TPRG1: variants seen among roughly 807,000 people sequenced by gnomAD.
TPRG1 encodes tumor protein p63 regulated 1.
TPRG1 carries 29 observed loss-of-function variants against 29.3 expected under a neutral mutation model. That is an observed-to-expected ratio of 0.99 (90% confidence interval 0.74 to 1.35). The LOEUF is 1.35. Ranked by LOEUF, TPRG1 falls within the 40% of genes most tolerant of loss-of-function variation. The pLI, the probability that TPRG1 is intolerant of heterozygous loss-of-function variation, is 0.00. For missense variants in TPRG1, 327 were observed against 335.0 expected, an observed-to-expected ratio of 0.98 and a Z score of 0.19; for synonymous variants, 130 against 116.8, an observed-to-expected ratio of 1.11 and a Z score of -0.73.
At chr3:189,252,569 AG>A (rs935840840) in intron 4 of TPRG1, among the ~76,000 whole-genome samples, 3 of 152,214 alleles carry the variant, frequency 2.0e-5, no homozygotes, top group African/African-American at 7.2e-5. Flanking sequence ...TAGAGGAAGG[AG>A]GGGAAGACTA....
In TPRG1 at chr3:189,196,735, T is replaced by C. The variant is rs961205826; in HGVS notation, c.-9-10641T>C. 2.6e-5 allele frequency among the ~76,000 whole-genome samples: 4 copies of C among 152,240 alleles called. No homozygotes were observed. The East Asian group carries it at 5.8e-4, about 22-fold the overall frequency. On this transcript the variant is annotated intron_variant, in intron 1 of 5. Coordinates refer to ENST00000345063, the MANE Select transcript of TPRG1 (RefSeq NM_198485.4). The stretch of plus-strand genomic sequence containing the variant: ...GCCAAATCATATCACACTGGTATTC[T>C]TATTTTATGATAATTCATTGTTCTG...
chr3:189,191,699 C>T (rs1046862053), intron 1 of TPRG1, among the ~76,000 whole-genome samples: 1 of 152,204 alleles, frequency 6.6e-6, no homozygotes, highest in Non-Finnish European at 1.5e-5. Flanking sequence ...CCTTCAGTTA[C>T]AGCCCCACAA....
intron 3 of TPRG1, among the ~76,000 whole-genome samples, chr3:189,009,726 A>G (rs1397001277): frequency 6.6e-6 from 1 of 151,922 alleles, no homozygotes; most frequent in Non-Finnish European, 1.5e-5. Flanking sequence ...GTATTTACCA[A>G]TAGTGTTATC....
chr3:189,094,228 G>A (rs1202856158), intron 4 of TPRG1, among the ~76,000 whole-genome samples: 1 of 152,176 alleles, frequency 6.6e-6, no homozygotes, highest in Non-Finnish European at 1.5e-5. Flanking sequence ...AGCGTATGAA[G>A]TAAGTGGAAA....
At chr3:189,104,596 A>G (rs2152197230) in intron 1 of TPRG1, among the ~76,000 whole-genome samples, 1 of 152,044 alleles carries the variant, frequency 6.6e-6, no homozygotes, top group East Asian at 1.9e-4. Flanking sequence ...TGTACCTATA[A>G]GAGACTATAT....
chr3:189,319,460 AT>A (rs1724041702), intron 5 of TPRG1, among the ~76,000 whole-genome samples: 1 of 151,872 alleles, frequency 6.6e-6, no homozygotes, highest in African/African-American at 2.4e-5. Context: ...CCTGGGTGTC[AT>A]TTTTTTCCTT....
At chr3:189,161,310 G>T (rs917172538) in intron 5 of TPRG1, among the ~76,000 whole-genome samples, 1 of 152,180 alleles carries the variant, frequency 6.6e-6, no homozygotes, top group Admixed American at 6.5e-5. Context: ...CTTCAGAACT[G>T]GACTATCTTT....
intron 3 of TPRG1, among the ~76,000 whole-genome samples, chr3:189,232,918 A>G (rs773647302): frequency 5.0e-4 from 76 of 152,280 alleles, no homozygotes; most frequent in Non-Finnish European, 7.4e-4. Flanking sequence ...TGCATTTTTC[A>G]TCTGTTTGTG....
intron 1 of TPRG1, among the ~76,000 whole-genome samples, chr3:189,124,036 C>T (rs548921085): frequency 5.9e-5 from 9 of 152,242 alleles, no homozygotes; most frequent in Middle Eastern, 3.4e-3. Flanking sequence ...CTTCGTTGTA[C>T]GTGTTCTGAT....
At chr3:189,251,409 C>G (rs1742231675) in intron 4 of TPRG1, among the ~76,000 whole-genome samples, 2 of 152,200 alleles carry the variant, frequency 1.3e-5, no homozygotes, top group African/African-American at 4.8e-5. Flanking sequence ...GTGGGTGTTT[C>G]TCGTTAGGTG....
At chr3:189,030,052 G>A (rs1177687380) in intron 4 of TPRG1, among the ~76,000 whole-genome samples, 1 of 152,102 alleles carries the variant, frequency 6.6e-6, no homozygotes, top group Non-Finnish European at 1.5e-5. Flanking sequence ...AACTGGGTAC[G>A]GGAGGAGAAA....
intron 4 of TPRG1, among the ~76,000 whole-genome samples, chr3:189,276,125 G>A (rs1277405794): frequency 6.6e-6 from 1 of 152,098 alleles, no homozygotes; most frequent in East Asian, 1.9e-4. Flanking sequence ...CACTGAGAGG[G>A]GAAGGCAAGG....
chr3:189,203,682 G>A (rs1172149686), intron 1 of TPRG1, among the ~76,000 whole-genome samples: 1 of 152,114 alleles, frequency 6.6e-6, no homozygotes, highest in African/African-American at 2.4e-5. Context: ...TAATATTGTA[G>A]CATTTTGCTT....
intron 3 of TPRG1, among the ~76,000 whole-genome samples, chr3:189,007,369 G>A (rs1035289365): frequency 2.6e-5 from 4 of 152,062 alleles, no homozygotes; most frequent in Non-Finnish European, 4.4e-5. Flanking sequence ...ACCAGTTAGA[G>A]TGGCAATCAT....
intron 4 of TPRG1, among the ~76,000 whole-genome samples, chr3:189,278,131 A>T (rs1174381505): frequency 6.6e-6 from 1 of 152,026 alleles, no homozygotes; most frequent in Non-Finnish European, 1.5e-5. Context: ...TGCTCCTTCC[A>T]CATGCCCTTT....
At chr3:189,181,551 T>C (rs1363745962) in intron 1 of TPRG1, among the ~76,000 whole-genome samples, 1 of 152,140 alleles carries the variant, frequency 6.6e-6, no homozygotes, top group Non-Finnish European at 1.5e-5. Context: ...ATAACAACAG[T>C]CACCTTTGCT....
chr3:189,250,511 C>CCCG (rs1742043984), intron 4 of TPRG1, among the ~76,000 whole-genome samples: 1 of 86,616 alleles, frequency 1.2e-5, no homozygotes, highest in East Asian at 4.0e-4. Flanking sequence ...TCCGCCCCCC[C>CCCG]CCCCCCACCC....
chr3:189,195,112 G>A (rs78235164), intron 1 of TPRG1, among the ~76,000 whole-genome samples: 15 of 152,222 alleles, frequency 9.9e-5, no homozygotes, highest in East Asian at 3.9e-4. Context: ...GGGGTGATAT[G>A]TTGTATCAGC....
intron 3 of TPRG1, among the ~76,000 whole-genome samples, chr3:189,004,961 A>C (rs887972477): frequency 2.0e-5 from 3 of 152,164 alleles, no homozygotes; most frequent in African/African-American, 4.8e-5. Context: ...AATAACATGG[A>C]TGGAACTGGA....
Sources: gnomAD v4.1 joint callset for allele counts (sites outside exome capture counted in the v4.1 genomes callset) on GRCh38, gnomAD v4.1.1 for gene constraint, MANE v1.5 for transcripts, NCBI Gene and HGNC (gene_info 2026-07-23, HGNC 2026-07-21) for gene names.